RC3H2: variants seen among roughly 807,000 people sequenced by gnomAD.
RC3H2 encodes ring finger and CCCH-type domains 2.
Under a neutral mutation model 133.3 loss-of-function variants are expected in RC3H2, and 31 were observed. That is an observed-to-expected ratio of 0.23 (90% CI 0.17 to 0.31). The LOEUF (loss-of-function observed/expected upper bound fraction) is 0.31, where lower values mean the gene tolerates loss of function less well. RC3H2 is among the 10% of genes least tolerant of loss of function. The pLI is 1.00. For missense variants in RC3H2, 1,175 were observed against 1,437.2 expected (o/e 0.82, Z 2.95); for synonymous variants, 517 against 502.2 (o/e 1.03, Z -0.40).
rs1564322863 is a variant in RC3H2, at chr9:122,899,090, G to GGTTTTTTTTTTTT, written c.-67-1515_-67-1514insAAAAAAAAAAAAC. Among the ~76,000 whole-genome samples the GGTTTTTTTTTTTT allele has an allele frequency of 1.8e-4, 16 of 88,410 alleles. 7 individuals carry two copies. The highest frequency in any genetic ancestry group is 2.4e-4 in the African/African-American group (5 of 20,762). The allele number at this position is 88,410 out of a possible 152,430, so 58.0% of individuals were successfully genotyped here. A position where few individuals can be genotyped will look rare whatever the true frequency, so the allele number is the denominator to read the frequency against. ...AAAAAATTCTATTAGCCTTTATTGT[G>GGTTTTTTTTTTTT]TTTTTTTTTTTTTTTTTTTTTTTTT... On this transcript the variant is annotated intron_variant, in intron 1 of 20. Transcript: ENST00000357244.
chr9:122,893,112 G>C, intron 2 of RC3H2, 86 bp from the exon 3 acceptor site: 1 of 1,497,718 alleles, frequency 6.7e-7, no homozygotes, highest in Non-Finnish European at 8.9e-7. Context: ...AATAATCTTG[G>C]TGAGTATAAA....
chr9:122,869,461 G>A (rs1422393173), intron 9 of RC3H2, among the ~76,000 whole-genome samples: 1 of 151,822 alleles, frequency 6.6e-6, no homozygotes, highest in East Asian at 1.9e-4. Flanking sequence ...CATTGGCAGA[G>A]GAAGGTGATG....
intron 10 of RC3H2, among the ~76,000 whole-genome samples, chr9:122,864,486 T>C (rs1356225592): frequency 2.0e-5 from 3 of 152,168 alleles, no homozygotes; most frequent in Admixed American, 6.5e-5. Flanking sequence ...ACATATGAAG[T>C]TGACACCATT....
At chr9:122,858,202 C>T (rs966498126) in intron 12 of RC3H2, 109 bp from the exon 13 acceptor site, 5 of 1,032,588 alleles carry the variant, frequency 4.8e-6, no homozygotes, top group African/African-American at 1.6e-5. Flanking sequence ...TAAAAAAATA[C>T]AGCAGGGAAA....
At chr9:122,877,402 G>A in intron 9 of RC3H2, 69 bp downstream of exon 9, 1 of 1,222,060 alleles carries the variant, frequency 8.2e-7, no homozygotes. Context: ...ACAAACTTCA[G>A]GACTGTATAT....
chr9:122,888,926 T>C (rs1415082061), intron 4 of RC3H2, among the ~76,000 whole-genome samples: 1 of 152,194 alleles, frequency 6.6e-6, no homozygotes, highest in Admixed American at 6.5e-5. Flanking sequence ...TGTACCACTT[T>C]GCATGCCCAT....
chr9:122,864,641 G>A (rs1298551368), intron 10 of RC3H2, among the ~76,000 whole-genome samples: 1 of 149,300 alleles, frequency 6.7e-6, no homozygotes, highest in East Asian at 2.0e-4. Context: ...TTTTTTTTGA[G>A]ACAGTGTCTC....
chr9:122,873,892 A>G (rs1201112401), intron 9 of RC3H2: 3 of 152,054 alleles, frequency 2.0e-5, no homozygotes, highest in Non-Finnish European at 4.4e-5. Flanking sequence ...ATCTCGGCTC[A>G]CTGCAACCTC....
At chr9:122,865,743 T>C (rs1229891576) in intron 9 of RC3H2, 86 bp from the exon 10 acceptor site, 10 of 1,155,772 alleles carry the variant, frequency 8.7e-6, no homozygotes, top group East Asian at 2.4e-5. Context: ...TGGGAATAGA[T>C]TGAAAAAGGA....
chr9:122,846,547 G>A lies in RC3H2; in HGVS notation c.*3080C>T, dbSNP rs1829872327. 6.6e-6 allele frequency: 1 copy of A among 152,006 alleles called. No homozygotes were observed. Among genetic ancestry groups the A allele is most frequent in the African/African-American group, 2.4e-5 (1 of 41,376 alleles). The allele number at this position is 152,006 out of a possible 1,614,324, so 9.4% of individuals were successfully genotyped here. Reference sequence around the variant, plus strand: ...TGCTACAACCACAGTAACTGAATGCGGCACATGGATTTCAGAATGGAACTT... The same window carrying A: ...TGCTACAACCACAGTAACTGAATGCAGCACATGGATTTCAGAATGGAACTT... On this transcript the variant is annotated 3_prime_UTR_variant, in exon 21 of 21. Transcript: ENST00000357244.
rs1012034013 is a variant in RC3H2 at position 122,899,252 on chromosome 9, T to A, written c.-67-1676A>T. Among the ~76,000 whole-genome samples the A allele has an allele frequency of 2.0e-5, 3 of 151,920 alleles. No individual in the cohort carries two copies. The East Asian group carries it at 5.8e-4, about 29-fold the overall frequency. ...CAAGTAACTGGGACGGCACCCACCATCATGCCTGGCTAATTTTTGTAGAGA... is the reference window on the plus strand; with the variant it reads ...CAAGTAACTGGGACGGCACCCACCAACATGCCTGGCTAATTTTTGTAGAGA... On this transcript the variant is annotated intron_variant, in intron 1 of 20. Transcript: ENST00000357244.
chr9:122,859,192 G>A, intron 11 of RC3H2, 90 bp from the exon 12 acceptor site: 1 of 994,132 alleles, frequency 1.0e-6, no homozygotes. Context: ...CCTTAATGTA[G>A]GAAAATATAA....
intron 9 of RC3H2, chr9:122,875,372 T>C: frequency 6.5e-7 from 1 of 1,538,864 alleles, no homozygotes; most frequent in Non-Finnish European, 8.8e-7. Flanking sequence ...GTTACACTTA[T>C]GTAAGATAGA....
At chr9:122,868,767 AAAAG>A (rs1326700752) in intron 9 of RC3H2, among the ~76,000 whole-genome samples, 6 of 151,538 alleles carry the variant, frequency 4.0e-5, no homozygotes, top group African/African-American at 1.5e-4. Context: ...TAAATAAATA[AAAAG>A]AAAATGTGTT....
At chr9:122,875,395 A>C in intron 9 of RC3H2, 1 of 1,524,928 alleles carries the variant, frequency 6.6e-7, no homozygotes, top group South Asian at 1.2e-5. Context: ...AACATTTAAT[A>C]AACAGATCAT....
intron 5 of RC3H2, 32 bp from the exon 6 acceptor site, chr9:122,880,826 G>T (rs770367155): frequency 3.3e-6 from 5 of 1,522,580 alleles, no homozygotes; most frequent in Non-Finnish European, 4.6e-6. Context: ...AATCAGAATT[G>T]GTCTGTGCTT....
At chr9:122,887,327 TG>T (rs1831960633) in intron 4 of RC3H2, among the ~76,000 whole-genome samples, 1 of 152,146 alleles carries the variant, frequency 6.6e-6, no homozygotes, top group Non-Finnish European at 1.5e-5. Flanking sequence ...ATGTTTAAAT[TG>T]CCCCACTTAC....
chr9:122,871,094 C>T (rs760550647), intron 9 of RC3H2, among the ~76,000 whole-genome samples: 8 of 152,106 alleles, frequency 5.3e-5, no homozygotes, highest in Non-Finnish European at 8.8e-5. Context: ...TTTATCTTTC[C>T]GCTACCAATT....
In RC3H2 at chr9:122,858,000, C is replaced by G. The variant is rs748156797; in HGVS notation, c.2377G>C (p.Val793Leu). 3.7e-6 allele frequency: 6 copies of G among 1,614,138 alleles called. No homozygotes were observed. Among genetic ancestry groups the G allele is most frequent in the Non-Finnish European group, 5.1e-6 (6 of 1,179,962 alleles). The change falls in exon 13 of 21, where the codon GTC (valine) becomes CTC (leucine). Residue 793 changes from valine (V) to leucine (L), a missense_variant. Physicochemically the swap from Val to Leu is conservative, Grantham distance 32. Transcript: ENST00000357244. ...GTTGCCACAGGAAGAGTTGAAGAGA[C>G]AAGAGGTGCTTTCTGAGTGTGGTAC... is the stretch of plus-strand genomic sequence containing the variant. Reference protein sequence around the residue: ...AQYHTQKAPLVSSTLPVATQS... With the variant: ...AQYHTQKAPLLSSTLPVATQS...
Sources: allele counts gnomAD v4.1 joint callset (sites outside exome capture counted in the v4.1 genomes callset), GRCh38; gene constraint gnomAD v4.1.1; transcripts MANE v1.5; gene names NCBI Gene and HGNC (gene_info 2026-07-23, HGNC 2026-07-21).